The following RDX variants were observed in gnomAD, a reference collection of about 807,000 sequenced individuals.
RDX encodes radixin.
A neutral mutation model predicts 83.7 loss-of-function variants in RDX; 32 were observed. That is an observed-to-expected ratio of 0.38 (90% CI 0.29 to 0.51). RDX has a LOEUF of 0.51. Among genes scored for constraint, RDX ranks in the 20% least tolerant of loss-of-function variants. The pLI is 0.87. For missense variants in RDX, 600 were observed against 689.9 expected (o/e 0.87, Z 1.46); for synonymous variants, 229 against 222.7 (o/e 1.03, Z -0.25).
At chr11:110,242,456 A>T (rs76425986) in intron 10 of RDX, among the ~76,000 whole-genome samples, 2 of 150,806 alleles carry the variant, frequency 1.3e-5, no homozygotes, top group African/African-American at 4.9e-5. Flanking sequence ...AAAAAAAAAA[A>T]TTAAAAAAAA....
At chr11:110,205,142 G>A (rs1379912586) in intron 14 of RDX, among the ~76,000 whole-genome samples, 2 of 152,028 alleles carry the variant, frequency 1.3e-5, no homozygotes, top group South Asian at 2.1e-4. Context: ...AATAGGAAAA[G>A]GATGAACTGT....
chr11:110,182,577 G>A (rs1862909186), intron 15 of RDX, among the ~76,000 whole-genome samples: 1 of 152,014 alleles, frequency 6.6e-6, no homozygotes, highest in African/African-American at 2.4e-5. Context: ...CTCCAGCCAG[G>A]GTGACAGAGC....
intron 10 of RDX, among the ~76,000 whole-genome samples, chr11:110,247,181 A>G (rs1272793416): frequency 6.6e-6 from 1 of 152,182 alleles, no homozygotes; most frequent in Non-Finnish European, 1.5e-5. Flanking sequence ...TTCCAAACAC[A>G]TTACCAAAAA....
At chr11:110,270,075 T>A (rs1251807688) in intron 3 of RDX, among the ~76,000 whole-genome samples, 2 of 152,046 alleles carry the variant, frequency 1.3e-5, no homozygotes, top group East Asian at 3.8e-4. Flanking sequence ...AAGAAATAAG[T>A]AATAATAACC....
At chr11:110,193,315 T>C (rs1029761531) in intron 15 of RDX, among the ~76,000 whole-genome samples, 7 of 152,072 alleles carry the variant, frequency 4.6e-5, no homozygotes, top group Non-Finnish European at 1.0e-4. Context: ...GAGCTAAACA[T>C]TGAGTACACG....
At chr11:110,234,197 T>C (rs1864750084) in intron 12 of RDX, among the ~76,000 whole-genome samples, 1 of 152,180 alleles carries the variant, frequency 6.6e-6, no homozygotes, top group Admixed American at 6.5e-5. Flanking sequence ...TAGATCTAAC[T>C]TCTGGTTCAA....
chr11:110,178,413 G>C (rs1188966008), intron 15 of RDX, among the ~76,000 whole-genome samples: 1 of 152,156 alleles, frequency 6.6e-6, no homozygotes, highest in East Asian at 1.9e-4. Flanking sequence ...GAAGAGTGTG[G>C]GGAGAGAACT....
chr11:110,191,573 G>A (rs114133361), intron 15 of RDX, among the ~76,000 whole-genome samples: 2,540 of 152,254 alleles, frequency 0.017, 88 homozygotes, highest in African/African-American at 0.056. Flanking sequence ...GAGCAATCAG[G>A]TGCCAGGCGC....
intron 12 of RDX, among the ~76,000 whole-genome samples, chr11:110,235,700 C>T (rs1442831000): frequency 1.3e-5 from 2 of 152,316 alleles, no homozygotes; most frequent in East Asian, 3.9e-4. Context: ...CACTAAGCCT[C>T]GGCTGCTTAT....
chr11:110,191,608 C>A (rs952501624), intron 15 of RDX, among the ~76,000 whole-genome samples: 1 of 152,228 alleles, frequency 6.6e-6, no homozygotes, highest in Non-Finnish European at 1.5e-5. Context: ...GTAATCCCAG[C>A]ACTTTGGGAG....
chr11:110,199,635 G>A lies in RDX; in HGVS notation c.1792C>T (p.Gln598Ter). ...GGTTACATTTGCTTTATGCTGCTTT[G>A]GCAAGAGCGCATCTGGAACAATGCA... Residue 598 changes from glutamine (Q) to a stop codon, truncating the protein, a stop_gained, in exon 15 of 16, where the codon CAA (glutamine) becomes TAA (stop). Coordinates refer to the RDX transcript ENST00000528498. LOFTEE classifies it high-confidence loss of function. 3 of 703,026 alleles carry A rather than the reference G, an allele frequency of 4.3e-6. No homozygotes were observed. The highest frequency in any genetic ancestry group is 5.2e-6 in the Non-Finnish European group (2 of 385,002). 43.5% of individuals were successfully genotyped at this position (703,026 alleles called of 1,614,324 possible). A position where few individuals can be genotyped will look rare whatever the true frequency, so the allele number is the denominator to read the frequency against.
chr11:110,178,794 G>A (rs1862826084), intron 15 of RDX, among the ~76,000 whole-genome samples: 1 of 152,184 alleles, frequency 6.6e-6, no homozygotes, highest in Admixed American at 6.5e-5. Flanking sequence ...AGCAGCTCAG[G>A]ATTTGGGCCT....
Position 110,296,582 on chromosome 11 carries a change from G to GCGC in RDX, c.-183_-181dup, listed in dbSNP as rs1408482734. 5.3e-5 allele frequency: 8 copies of GCGC among 151,116 alleles called. No homozygotes were observed. The highest frequency in any genetic ancestry group is 1.2e-4 in the Non-Finnish European group (8 of 67,700). 9.4% of individuals were successfully genotyped at this position (151,116 alleles called of 1,614,324 possible). On this transcript the variant is annotated 5_prime_UTR_variant, in exon 1 of 14. Transcript: ENST00000645495. Reference sequence around the variant, plus strand: ...AGCGCTGGCCCGCGGGAGACGAGAGGCGCCGCCGCCACCGCAGACAGCTCC... The same window carrying GCGC: ...AGCGCTGGCCCGCGGGAGACGAGAGGCGCCGCCGCCGCCACCGCAGACAGCTCC...
intron 14 of RDX, among the ~76,000 whole-genome samples, chr11:110,205,431 CAAAAAAAAAA>C (rs35103862): frequency 2.1e-5 from 1 of 47,068 alleles, no homozygotes; most frequent in South Asian, 7.7e-4. Context: ...TTTACCTATC[CAAAAAAAAAA>C]AAAAAAAAAA....
intron 5 of RDX, among the ~76,000 whole-genome samples, chr11:110,258,867 C>CTTTTTTTTTTTTTTTTTTT (rs11421586): frequency 2.1e-5 from 2 of 94,616 alleles, no homozygotes; most frequent in Non-Finnish European, 4.0e-5. Context: ...CAAATACATT[C>CTTTTTTTTTTTTTTTTTTT]TTTTTTTTTT....
In RDX at chr11:110,272,489, A is replaced by G. The variant is rs773001536; in HGVS notation, c.96+47T>C. On this transcript the variant is annotated intron_variant, in intron 3 of 13. Coordinates refer to ENST00000645495, the MANE Select transcript of RDX (RefSeq NM_002906.4). The stretch of plus-strand genomic sequence containing the variant: ...AACAGAGAAAGAGGTATGCAACAAC[A>G]TTCACACTATGGTGTCAAAAGTTGC... 5 of 1,206,002 alleles carry G rather than the reference A, an allele frequency of 4.1e-6. No individual in the cohort carries two copies. In the South Asian group the frequency reaches 6.2e-5, roughly 15 times the overall value. 74.7% of individuals were successfully genotyped at this position (1,206,002 alleles called of 1,614,324 possible).
At chr11:110,211,360 C>T (rs1207505382) in intron 14 of RDX, among the ~76,000 whole-genome samples, 2 of 151,708 alleles carry the variant, frequency 1.3e-5, no homozygotes, top group Non-Finnish European at 2.9e-5. Context: ...TACAAAGAGA[C>T]TTAGACTCCC....
At chr11:110,284,409 T>C (rs1465124044) in intron 1 of RDX, among the ~76,000 whole-genome samples, 1 of 152,370 alleles carries the variant, frequency 6.6e-6, no homozygotes, top group Admixed American at 6.5e-5. Context: ...GGGGGTTTTT[T>C]ATTTGTTTTT....
At chr11:110,218,967 AT>A (rs1318985950) in intron 14 of RDX, among the ~76,000 whole-genome samples, 4 of 152,170 alleles carry the variant, frequency 2.6e-5, no homozygotes, top group Non-Finnish European at 5.9e-5. Flanking sequence ...CAACAGTAAA[AT>A]TCCTGCCCTC....
Sources: allele counts gnomAD v4.1 joint callset (sites outside exome capture counted in the v4.1 genomes callset), GRCh38; gene constraint gnomAD v4.1.1; transcripts MANE v1.5; gene names NCBI Gene and HGNC (gene_info 2026-07-23, HGNC 2026-07-21).